Variants in AEBP2 observed in about 807,000 individuals in gnomAD.
AEBP2 encodes the protein zinc finger protein AEBP2.
In AEBP2, 10 loss-of-function variants were observed where a neutral mutation model predicts 50.8. The observed-to-expected ratio is 0.20, with a 90% confidence interval of 0.12 to 0.33. AEBP2 has a LOEUF of 0.33. AEBP2 is among the 10% of genes least tolerant of loss of function. The pLI is 1.00. For synonymous variants in AEBP2, 296 were observed against 261.3 expected, an observed-to-expected ratio of 1.13 and a Z score of -1.28; for missense variants, 570 against 688.0, an observed-to-expected ratio of 0.83 and a Z score of 1.92.
intron 1 of AEBP2, among the ~76,000 whole-genome samples, chr12:19,416,932 C>T (rs1052225750): frequency 4.0e-5 from 6 of 150,246 alleles, no homozygotes; most frequent in African/African-American, 4.9e-5. Flanking sequence ...AGTGCAGTGG[C>T]GTGATCTTGG....
chr12:19,462,874 TG>T (rs1565715146), intron 2 of AEBP2, among the ~76,000 whole-genome samples, 157 bp downstream of exon 2: 1 of 152,218 alleles, frequency 6.6e-6, no homozygotes. Flanking sequence ...CCCATATACT[TG>T]ATAGAATCAA....
At chr12:19,407,102 G>T (rs1375613933) in intron 1 of AEBP2, among the ~76,000 whole-genome samples, 1 of 152,056 alleles carries the variant, frequency 6.6e-6, no homozygotes, top group African/African-American at 2.4e-5. Context: ...AATAATTTGA[G>T]AACATTATGA....
chr12:19,412,402 C>T (rs1483082734), intron 1 of AEBP2, among the ~76,000 whole-genome samples: 3 of 151,850 alleles, frequency 2.0e-5, no homozygotes, highest in Non-Finnish European at 2.9e-5. Context: ...CTCAGCCTCC[C>T]GAGTAGCTGG....
intron 4 of AEBP2, among the ~76,000 whole-genome samples, chr12:19,494,902 A>G (rs958720114): frequency 6.6e-6 from 1 of 151,638 alleles, no homozygotes; most frequent in Admixed American, 6.6e-5. Context: ...TTGTGGCTTT[A>G]TTTTATTATT....
At chr12:19,409,518 A>G (rs1226794609) in intron 1 of AEBP2, among the ~76,000 whole-genome samples, 1 of 152,198 alleles carries the variant, frequency 6.6e-6, no homozygotes, top group Non-Finnish European at 1.5e-5. Flanking sequence ...AAACTGTGAA[A>G]TCACTTTGAA....
At chr12:19,423,064 CAAAAAAAAAAAAAA>C (rs751550689) in intron 1 of AEBP2, among the ~76,000 whole-genome samples, 12 of 35,036 alleles carry the variant, frequency 3.4e-4, no homozygotes, top group African/African-American at 1.1e-3. Context: ...GACTCTGTCT[CAAAAAAAAAAAAAA>C]AAAAAAAAAA....
At chr12:19,408,665 G>C (rs571482982) in intron 1 of AEBP2, among the ~76,000 whole-genome samples, 15 of 152,206 alleles carry the variant, frequency 9.9e-5, no homozygotes, top group Middle Eastern at 3.4e-3. Flanking sequence ...ACTTTGGGAG[G>C]CCGAGGCAGG....
chr12:19,505,742 T>A, intron 5 of AEBP2, among the ~76,000 whole-genome samples: 1 of 152,046 alleles, frequency 6.6e-6, no homozygotes, highest in East Asian at 1.9e-4. Flanking sequence ...TTGAAGGGGG[T>A]TGAATAGGCA....
intron 3 of AEBP2, among the ~76,000 whole-genome samples, chr12:19,492,604 A>G (rs11044609): frequency 6.6e-6 from 1 of 152,026 alleles, no homozygotes; most frequent in Middle Eastern, 3.4e-3. Context: ...AATAAAAAAA[A>G]TTTATTTATT....
intron 5 of AEBP2, chr12:19,508,989 G>A (rs1949194181): frequency 3.8e-6 from 2 of 532,784 alleles, no homozygotes; most frequent in African/African-American, 3.8e-5. Flanking sequence ...CTTGGTAATA[G>A]AGTTGTTTAC....
chr12:19,466,878 A>G, intron 2 of AEBP2: 1 of 844,550 alleles, frequency 1.2e-6, no homozygotes, highest in Admixed American at 6.2e-5. Flanking sequence ...AAACTATATT[A>G]ATTTCTGTTC....
rs1484924563 is a variant in AEBP2 at position 19,512,587 on chromosome 12, G to T, written c.1367+122G>T. On this transcript the variant is annotated intron_variant, in intron 6 of 7. Transcript: ENST00000266508. Reference sequence around the variant, plus strand: ...GAAATTACATTTTACAACGTTTTGAGGTTGTCAGGATTAAAGAGATAATCT... The same window carrying T: ...GAAATTACATTTTACAACGTTTTGATGTTGTCAGGATTAAAGAGATAATCT... 3 of 703,480 alleles carry T rather than the reference G, an allele frequency of 4.3e-6. No homozygotes were observed. In the African/African-American group the frequency reaches 5.5e-5, roughly 13 times the overall value. 43.6% of individuals were successfully genotyped at this position (703,480 alleles called of 1,614,324 possible).
chr12:19,515,471 C>T (rs893418633), intron 7 of AEBP2, among the ~76,000 whole-genome samples: 1 of 152,098 alleles, frequency 6.6e-6, no homozygotes, highest in South Asian at 2.1e-4. Flanking sequence ...CAAGTTTGCA[C>T]GAATGTGGTT....
chr12:19,506,105 A>G (rs548859474), intron 5 of AEBP2, among the ~76,000 whole-genome samples: 2 of 151,106 alleles, frequency 1.3e-5, no homozygotes, highest in African/African-American at 4.9e-5. Flanking sequence ...AATATATATA[A>G]TATCTTTTTG....
rs1034667722 is a variant in AEBP2, at chr12:19,439,734, A to T, written c.35A>T (p.Glu12Val). The T allele has an allele frequency of 6.6e-7, 1 of 1,516,802 alleles. No individual in the cohort carries two copies. The highest frequency in any genetic ancestry group is 1.5e-5 in the African/African-American group (1 of 68,870). The allele number at this position is 1,516,802 out of a possible 1,614,324, so 94.0% of individuals were successfully genotyped here. The stretch of plus-strand genomic sequence containing the variant: ...GCTATCACCGACATGGCCGACCTGG[A>T]GGAGCTCTCCCGCCTGAGCCCTCTG... ...AAAITDMADLEELSRLSPLPP... is the reference protein window; with the variant it reads ...AAAITDMADLVELSRLSPLPP... The change falls in exon 1 of 8, where the codon GAG (glutamate) becomes GTG (valine). Residue 12 changes from glutamate (E) to valine (V), a missense_variant. Glu to Val is a moderately radical substitution (Grantham distance 121). Transcript: ENST00000266508.
intron 4 of AEBP2, among the ~76,000 whole-genome samples, chr12:19,499,254 T>C (rs1949031418): frequency 6.6e-6 from 1 of 152,132 alleles, no homozygotes; most frequent in African/African-American, 2.4e-5. Context: ...GTCCAAAAAT[T>C]TGTTTGTAAT....
intron 5 of AEBP2, among the ~76,000 whole-genome samples, chr12:19,509,820 C>CTTTTTT (rs57103167): frequency 7.3e-5 from 5 of 68,774 alleles, no homozygotes; most frequent in African/African-American, 2.3e-4. Flanking sequence ...TGGCTACTTT[C>CTTTTTT]TTTTTTTTTT....
In AEBP2 at chr12:19,443,835, A is replaced by T. The variant is rs1283407416; in HGVS notation, c.671+3465A>T. ...AAGTGACTAATTTATGAAATGATTA[A>T]ATACCACTTGGTACAAAAAGTTGAT... On this transcript the variant is annotated intron_variant, in intron 1 of 7. Coordinates refer to ENST00000266508, the MANE Select transcript of AEBP2 (RefSeq NM_153207.5). 2.0e-5 allele frequency among the ~76,000 whole-genome samples: 3 copies of T among 152,354 alleles called. No homozygotes were observed. In the East Asian group the frequency reaches 5.8e-4, roughly 29 times the overall value.
Position 19,480,165 on chromosome 12 carries a change from C to G in AEBP2, c.987+6810C>G, listed in dbSNP as rs574441313. ...TTGCCCAGGCTGGAGTGCAGTGGCACAATCTTGGCTCACTGCAACCTCAGC... is the reference window on the plus strand; with the variant it reads ...TTGCCCAGGCTGGAGTGCAGTGGCAGAATCTTGGCTCACTGCAACCTCAGC... On this transcript the variant is annotated intron_variant, in intron 3 of 7. Transcript: ENST00000266508. Among the ~76,000 whole-genome samples the G allele has an allele frequency of 4.6e-5, 7 of 152,180 alleles. No individual in the cohort carries two copies. In the South Asian group the frequency reaches 1.2e-3, roughly 27 times the overall value.
Sources: gnomAD v4.1 joint callset for allele counts (sites outside exome capture counted in the v4.1 genomes callset) on GRCh38, gnomAD v4.1.1 for gene constraint, MANE v1.5 for transcripts, NCBI Gene and HGNC (gene_info 2026-07-23, HGNC 2026-07-21) for gene names.